The following TEAD1 variants were observed in gnomAD, a reference collection of about 807,000 sequenced individuals.
The protein encoded by TEAD1 is TEA domain transcription factor 1.
Under a neutral mutation model 54.9 loss-of-function variants are expected in TEAD1, and 9 were observed. That is an observed-to-expected ratio of 0.16 (90% CI 0.10 to 0.29). The LOEUF (loss-of-function observed/expected upper bound fraction) is 0.29. Among genes scored for constraint, TEAD1 ranks in the 10% least tolerant of loss-of-function variants. The pLI is 1.00. For synonymous variants in TEAD1, 200 were observed against 187.8 expected, an observed-to-expected ratio of 1.07 and a Z score of -0.53; for missense variants, 387 against 535.9, an observed-to-expected ratio of 0.72 and a Z score of 2.74.
In TEAD1 at chr11:12,943,741, C is replaced by T. The variant is rs915762354; in HGVS notation, c.*6519C>T. 6.6e-6 allele frequency: 1 copy of T among 151,780 alleles called. No homozygotes were observed. The highest frequency in any genetic ancestry group is 1.5e-5 in the Non-Finnish European group (1 of 67,964). The allele number at this position is 151,780 out of a possible 1,614,324, so 9.4% of individuals were successfully genotyped here. A position where few individuals can be genotyped will look rare whatever the true frequency, so the allele number is the denominator to read the frequency against. On this transcript the variant is annotated 3_prime_UTR_variant, in exon 13 of 13. Transcript: ENST00000527636. ...ATCTAGGTGTCAATCAATTGGAAAC[C>T]AGTCTCTGATTTTTTTTCATTAGTT...
chr11:12,682,027 G>A (rs1046995333), intron 2 of TEAD1, among the ~76,000 whole-genome samples: 10 of 152,276 alleles, frequency 6.6e-5, no homozygotes, highest in Admixed American at 3.9e-4. Context: ...GCTTAGGTGC[G>A]TTGTGGTAGG....
At chr11:12,858,221 G>A (rs184868192) in intron 3 of TEAD1, among the ~76,000 whole-genome samples, 2 of 152,296 alleles carry the variant, frequency 1.3e-5, no homozygotes, top group African/African-American at 4.8e-5. Flanking sequence ...CAGCCAAAAA[G>A]ATCTTCCAAA....
intron 5 of TEAD1, among the ~76,000 whole-genome samples, chr11:12,874,237 T>G (rs1276908378): frequency 6.6e-6 from 1 of 152,218 alleles, no homozygotes; most frequent in Non-Finnish European, 1.5e-5. Context: ...TGGTAATACC[T>G]ATAGAATATG....
intron 5 of TEAD1, among the ~76,000 whole-genome samples, chr11:12,878,010 TA>T (rs1453370403): frequency 6.6e-6 from 1 of 151,922 alleles, no homozygotes; most frequent in African/African-American, 2.4e-5. Flanking sequence ...TCTCTCTATG[TA>T]ACCCAGGCTG....
intron 3 of TEAD1, among the ~76,000 whole-genome samples, chr11:12,821,961 C>CTTTTTTCTTTTTTTTTTTTTT (rs1946557028): frequency 1.5e-5 from 1 of 68,084 alleles, no homozygotes. Context: ...TTCTCTTTTC[C>CTTTTTTCTTTTTTTTTTTTTT]TTTTTTTTTT....
rs550557205 is a variant in TEAD1 at position 12,939,297 on chromosome 11, C to T, written c.*2075C>T. On this transcript the variant is annotated 3_prime_UTR_variant, in exon 13 of 13. Coordinates refer to ENST00000527636, the MANE Select transcript of TEAD1 (RefSeq NM_021961.6). ...CATTTACAGTGACTTCTGTTGAACA[C>T]CCCTCTTAGGGATGTTTCTTTTGCT... 1.3e-5 allele frequency: 2 copies of T among 152,404 alleles called. No homozygotes were observed. The highest frequency in any genetic ancestry group is 3.9e-4 in the East Asian group (2 of 5,176). 9.4% of individuals were successfully genotyped at this position (152,404 alleles called of 1,614,324 possible). A position where few individuals can be genotyped will look rare whatever the true frequency, so the allele number is the denominator to read the frequency against.
intron 5 of TEAD1, among the ~76,000 whole-genome samples, chr11:12,876,659 G>A (rs541170645): frequency 6.6e-6 from 1 of 152,328 alleles, no homozygotes; most frequent in Admixed American, 6.5e-5. Flanking sequence ...TCTGTGCTGA[G>A]GAAGGCACCT....
At chr11:12,705,400 G>C (rs1227850262) in intron 2 of TEAD1, among the ~76,000 whole-genome samples, 1 of 152,102 alleles carries the variant, frequency 6.6e-6, no homozygotes, top group Admixed American at 6.6e-5. Flanking sequence ...GTGCAGAAAG[G>C]GGCCTGGGAT....
chr11:12,879,791 C>T lies in TEAD1; in HGVS notation c.414C>T (p.Asn138=). The T allele has an allele frequency of 6.2e-7, 1 of 1,614,174 alleles. No individual in the cohort carries two copies. Among genetic ancestry groups the T allele is most frequent in the Non-Finnish European group, 8.5e-7 (1 of 1,180,048 alleles). The change falls in exon 6 of 13, where the codon AAC becomes AAT. Residue 138 remains asparagine, a synonymous_variant. Coordinates refer to ENST00000527636, the MANE Select transcript of TEAD1 (RefSeq NM_021961.6). ...TCGTCTCGGCCACTGCCATTCATAA[C>T]AAGCTGGGGCTGCCTGGGATTCCAC...
chr11:12,899,016 G>T (rs1364944462), intron 9 of TEAD1, among the ~76,000 whole-genome samples: 2 of 152,178 alleles, frequency 1.3e-5, no homozygotes, highest in African/African-American at 4.8e-5. Flanking sequence ...TAAGCACAAA[G>T]ACTTCAAGTT....
chr11:12,697,102 C>T (rs545857890), intron 2 of TEAD1, among the ~76,000 whole-genome samples: 10 of 152,052 alleles, frequency 6.6e-5, no homozygotes, highest in South Asian at 4.1e-4. Flanking sequence ...TGGCTGAGCA[C>T]GGGGAAAGCA....
rs1364255553 is a variant in TEAD1, at chr11:12,758,061, G to C, written c.-54-6118G>C. Among the ~76,000 whole-genome samples the C allele has an allele frequency of 1.3e-5, 2 of 152,088 alleles. 1 individual carries two copies. ...TCCCAAAGTGCTAGGCATTATAGGCGTGAACTGCCATGCCTGGAGGTTCAT... is the reference window on the plus strand; with the variant it reads ...TCCCAAAGTGCTAGGCATTATAGGCCTGAACTGCCATGCCTGGAGGTTCAT... On this transcript the variant is annotated intron_variant, in intron 2 of 12. Coordinates refer to ENST00000527636, the MANE Select transcript of TEAD1 (RefSeq NM_021961.6).
chr11:12,911,159 C>CTT (rs1188852506), intron 10 of TEAD1, among the ~76,000 whole-genome samples: 1 of 152,192 alleles, frequency 6.6e-6, no homozygotes, highest in Non-Finnish European at 1.5e-5. Flanking sequence ...AGCAAGTTAC[C>CTT]TGGAAAGAGG....
At chr11:12,691,026 C>G (rs141337114) in intron 2 of TEAD1, among the ~76,000 whole-genome samples, 1 of 152,228 alleles carries the variant, frequency 6.6e-6, no homozygotes, top group Non-Finnish European at 1.5e-5. Context: ...GCTGAGATTA[C>G]AGGCGTGAGC....
At chr11:12,691,331 G>A (rs560074778) in intron 2 of TEAD1, among the ~76,000 whole-genome samples, 1 of 152,192 alleles carries the variant, frequency 6.6e-6, no homozygotes, top group Admixed American at 6.5e-5. Flanking sequence ...AACCTCTTGT[G>A]TATTCTGGGA....
intron 3 of TEAD1, among the ~76,000 whole-genome samples, chr11:12,818,566 C>A (rs1180516647): frequency 6.6e-6 from 1 of 152,198 alleles, no homozygotes; most frequent in East Asian, 1.9e-4. Flanking sequence ...GAGGACCAGT[C>A]AAGTCCAGCT....
chr11:12,739,362 T>G (rs1255071184), intron 2 of TEAD1, among the ~76,000 whole-genome samples: 1 of 152,236 alleles, frequency 6.6e-6, no homozygotes, highest in Non-Finnish European at 1.5e-5. Flanking sequence ...TTGACATTGT[T>G]TTGCTATCGT....
intron 3 of TEAD1, among the ~76,000 whole-genome samples, chr11:12,832,286 T>C (rs1039533109): frequency 1.3e-5 from 2 of 152,226 alleles, no homozygotes; most frequent in Non-Finnish European, 2.9e-5. Flanking sequence ...TCAAACATTG[T>C]CAGAGACGGT....
chr11:12,828,185 G>A (rs1052224504), intron 3 of TEAD1: 1 of 152,184 alleles, frequency 6.6e-6, no homozygotes, highest in Non-Finnish European at 1.5e-5. Flanking sequence ...CACTGCTGCA[G>A]GATGGAGCTC....
Sources: allele counts gnomAD v4.1 joint callset (sites outside exome capture counted in the v4.1 genomes callset), GRCh38; gene constraint gnomAD v4.1.1; transcripts MANE v1.5; gene names NCBI Gene and HGNC (gene_info 2026-07-23, HGNC 2026-07-21).